MED15: variants seen among roughly 807,000 people sequenced by gnomAD.
The protein encoded by MED15 is mediator complex subunit 15.
Under a neutral mutation model 118.7 loss-of-function variants are expected in MED15, and 41 were observed. The observed-to-expected ratio is 0.35, with a 90% confidence interval of 0.27 to 0.45. The LOEUF (loss-of-function observed/expected upper bound fraction) is 0.45. Among genes scored for constraint, MED15 ranks in the 20% least tolerant of loss-of-function variants. The pLI is 1.00. For missense variants in MED15, 740 were observed against 1,025.5 expected, an observed-to-expected ratio of 0.72 and a Z score of 3.80; for synonymous variants, 436 against 413.9, an observed-to-expected ratio of 1.05 and a Z score of -0.65.
chr22:20,572,984 A>G (rs1221120399), intron 8 of MED15, among the ~76,000 whole-genome samples: 3 of 121,292 alleles, frequency 2.5e-5, no homozygotes, highest in African/African-American at 5.9e-5. Flanking sequence ...TTTTTTTTTT[A>G]AAGACAGAGT....
At chr22:20,529,826 A>G (rs1434009301) in intron 1 of MED15, among the ~76,000 whole-genome samples, 1 of 152,166 alleles carries the variant, frequency 6.6e-6, no homozygotes, top group Non-Finnish European at 1.5e-5. Flanking sequence ...TCCGGACCTC[A>G]GGTGATCCAC....
chr22:20,536,202 G>C (rs2055074913), intron 1 of MED15, among the ~76,000 whole-genome samples: 1 of 152,132 alleles, frequency 6.6e-6, no homozygotes, highest in African/African-American at 2.4e-5. Flanking sequence ...GCAAGCCCAG[G>C]GTGGGAGGCC....
intron 1 of MED15, among the ~76,000 whole-genome samples, chr22:20,515,421 G>A (rs2054213671): frequency 6.6e-6 from 1 of 151,924 alleles, no homozygotes; most frequent in Non-Finnish European, 1.5e-5. Context: ...ATTGTTTTGG[G>A]CCACACATAA....
At chr22:20,559,712 T>C (rs2056158199) in intron 5 of MED15, among the ~76,000 whole-genome samples, 1 of 152,226 alleles carries the variant, frequency 6.6e-6, no homozygotes, top group Non-Finnish European at 1.5e-5. Flanking sequence ...GCCAGTCACA[T>C]TTGTATGCCA....
chr22:20,581,418 G>A (rs2056977883), intron 9 of MED15, among the ~76,000 whole-genome samples: 1 of 152,186 alleles, frequency 6.6e-6, no homozygotes, highest in Admixed American at 6.5e-5. Flanking sequence ...TGCTTGGGGG[G>A]TGGTGTGAGC....
At position 20,586,865 on chromosome 22, in the gene MED15, G is replaced by C; in HGVS notation, c.*161G>C. ...ACCTGCCAAACGAAATCCCACACCT[G>C]TACAGAACTGGGATAGGCGCAGTGG... On this transcript the variant is annotated 3_prime_UTR_variant, in exon 18 of 18. Coordinates refer to ENST00000263205, the MANE Select transcript of MED15 (RefSeq NM_001003891.3). The C allele has an allele frequency of 2.6e-6, 3 of 1,141,926 alleles. No individual in the cohort carries two copies. In the South Asian group the frequency reaches 4.7e-5, roughly 18 times the overall value. 70.7% of individuals were successfully genotyped at this position (1,141,926 alleles called of 1,614,324 possible).
At chr22:20,577,605 G>C (rs2056860007) in intron 9 of MED15, among the ~76,000 whole-genome samples, 1 of 152,016 alleles carries the variant, frequency 6.6e-6, no homozygotes, top group Non-Finnish European at 1.5e-5. Context: ...AGCTGAAAAA[G>C]TTATTGCCTT....
Position 20,570,917 on chromosome 22 carries a change from A to G in MED15, c.1152+2286A>G, listed in dbSNP as rs595044. ...GTAGCTGGGACTACAGGCATGCGCC[A>G]CTATATCCAGCTAATTTTTTTTTCC... On this transcript the variant is annotated intron_variant, in intron 8 of 17. Transcript: ENST00000263205. Among the ~76,000 whole-genome samples, 929 of 150,864 alleles carry G rather than the reference A, an allele frequency of 6.2e-3. 10 individuals carry two copies. The highest frequency in any genetic ancestry group is 0.022 in the African/African-American group (885 of 41,090).
intron 9 of MED15, among the ~76,000 whole-genome samples, chr22:20,579,886 T>C (rs1214295302): frequency 6.6e-6 from 1 of 152,062 alleles, no homozygotes; most frequent in East Asian, 1.9e-4. Context: ...ATGTGTGACA[T>C]TCTTGTCCTG....
In MED15 at chr22:20,568,645, G is replaced by A. The variant is rs779897071; in HGVS notation, c.1152+14G>A. Reference sequence around the variant, plus strand: ...CCCGGAGTCCAGGTGAGGGCCTGGGGGTGGAGGGCTCCATAGTCATCAGCA... The same window carrying A: ...CCCGGAGTCCAGGTGAGGGCCTGGGAGTGGAGGGCTCCATAGTCATCAGCA... On this transcript the variant is annotated intron_variant, in intron 8 of 17. Coordinates refer to ENST00000263205, the MANE Select transcript of MED15 (RefSeq NM_001003891.3). 6.2e-6 allele frequency: 10 copies of A among 1,610,972 alleles called. No individual in the cohort carries two copies. The South Asian group carries it at 6.6e-5, about 11-fold the overall frequency.
intron 2 of MED15, chr22:20,550,923 GA>G (rs2055744490): frequency 2.8e-6 from 1 of 351,204 alleles, no homozygotes; most frequent in Non-Finnish European, 5.7e-6. Flanking sequence ...GATTCTCCCG[GA>G]AAGCGCAGCC....
At chr22:20,554,707 C>G in intron 4 of MED15, 2 of 437,090 alleles carry the variant, frequency 4.6e-6, no homozygotes, top group Non-Finnish European at 8.1e-6. Flanking sequence ...CATTAGGACT[C>G]TGGTCCAGGC....
At chr22:20,584,267 G>T in intron 13 of MED15, 92 bp from the exon 14 acceptor site, 1 of 1,333,104 alleles carries the variant, frequency 7.5e-7, no homozygotes, top group Non-Finnish European at 1.1e-6. Flanking sequence ...AGAGGTTTCT[G>T]ATGGCTGAGG....
At chr22:20,568,488 G>T in intron 7 of MED15, 33 bp from the exon 8 acceptor site, 5 of 1,608,142 alleles carry the variant, frequency 3.1e-6, no homozygotes, top group Admixed American at 1.7e-5. Context: ...GACCCAGGTG[G>T]TTCCAAATCA....
intron 1 of MED15, among the ~76,000 whole-genome samples, chr22:20,529,435 T>G (rs2054775407): frequency 6.6e-6 from 1 of 151,958 alleles, no homozygotes; most frequent in African/African-American, 2.4e-5. Context: ...TACGTATATA[T>G]TTTTTTGAGA....
At chr22:20,526,684 T>C (rs930562195) in intron 1 of MED15, among the ~76,000 whole-genome samples, 1 of 152,196 alleles carries the variant, frequency 6.6e-6, no homozygotes, top group African/African-American at 2.4e-5. Context: ...GCTAGTGAGC[T>C]GTCAGTTTCA....
At chr22:20,569,426 CTG>C (rs534348894) in intron 8 of MED15, among the ~76,000 whole-genome samples, 3 of 152,188 alleles carry the variant, frequency 2.0e-5, no homozygotes, top group Admixed American at 6.5e-5. Flanking sequence ...TGTGGTAAGA[CTG>C]TGGCTGGGTC....
At chr22:20,513,131 G>T (rs2054133829) in intron 1 of MED15, among the ~76,000 whole-genome samples, 1 of 151,990 alleles carries the variant, frequency 6.6e-6, no homozygotes, top group Non-Finnish European at 1.5e-5. Context: ...GAGTGCAGTT[G>T]GTATGATCAT....
At chr22:20,529,098 C>T (rs1427251952) in intron 1 of MED15, among the ~76,000 whole-genome samples, 4 of 152,196 alleles carry the variant, frequency 2.6e-5, no homozygotes, top group East Asian at 1.9e-4. Flanking sequence ...ACCACTGGGC[C>T]ATCAGCTTTC....
Sources: gnomAD v4.1 joint callset for allele counts (sites outside exome capture counted in the v4.1 genomes callset) on GRCh38, gnomAD v4.1.1 for gene constraint, MANE v1.5 for transcripts, NCBI Gene and HGNC (gene_info 2026-07-23, HGNC 2026-07-21) for gene names.